The following CMTM8 variants were observed in gnomAD, a reference collection of about 807,000 sequenced individuals.
The protein encoded by CMTM8 is CKLF-like MARVEL transmembrane domain-containing protein 8.
CMTM8 carries 12 observed loss-of-function variants against 18.6 expected under a neutral mutation model. The ratio of observed to expected loss-of-function variants is 0.65; its 90% CI spans 0.41 to 1.05. The LOEUF (loss-of-function observed/expected upper bound fraction) is 1.05. Among genes scored for constraint, CMTM8 ranks in the 50% least tolerant of loss-of-function variants. The pLI is 0.00. For missense variants in CMTM8, 217 were observed against 227.2 expected, an observed-to-expected ratio of 0.95 and a Z score of 0.29; for synonymous variants, 87 against 90.6, an observed-to-expected ratio of 0.96 and a Z score of 0.23.
chr3:32,334,097 G>C (rs1470213836), intron 1 of CMTM8, among the ~76,000 whole-genome samples: 1 of 151,712 alleles, frequency 6.6e-6, no homozygotes, highest in Non-Finnish European at 1.5e-5. Flanking sequence ...TCCTGCCTAA[G>C]CCTCCGGAGT....
At chr3:32,296,887 G>A (rs1273942927) in intron 1 of CMTM8, among the ~76,000 whole-genome samples, 1 of 152,138 alleles carries the variant, frequency 6.6e-6, no homozygotes, top group Admixed American at 6.5e-5. Context: ...GCTTGACATG[G>A]CCAGTAGAGG....
intron 1 of CMTM8, among the ~76,000 whole-genome samples, chr3:32,253,675 G>A (rs369251884): frequency 6.6e-6 from 1 of 151,766 alleles, no homozygotes; most frequent in Non-Finnish European, 1.5e-5. Context: ...TAAACTAATC[G>A]TGGTAATTTA....
At position 32,306,347 on chromosome 3, in the gene CMTM8, A is replaced by G. The variant is rs540629488; in HGVS notation, c.148-51026A>G. Among the ~76,000 whole-genome samples the G allele has an allele frequency of 2.6e-4, 40 of 152,348 alleles. No homozygotes were observed. In the South Asian group the frequency reaches 7.2e-3, roughly 28 times the overall value. On this transcript the variant is annotated intron_variant, in intron 1 of 3. Coordinates refer to ENST00000307526, the MANE Select transcript of CMTM8 (RefSeq NM_178868.5). Reference sequence around the variant, plus strand: ...CATTTCTGCCATATTCTGTTGGCTAAACCAAGGCACGAGTCCAATCCACAA... The same window carrying G: ...CATTTCTGCCATATTCTGTTGGCTAGACCAAGGCACGAGTCCAATCCACAA...
intron 1 of CMTM8, chr3:32,259,235 TG>T: frequency 1.7e-6 from 1 of 577,460 alleles, no homozygotes; most frequent in Non-Finnish European, 3.2e-6. Flanking sequence ...GCCTCCTACC[TG>T]GACAAAGTGA....
chr3:32,248,859 C>T (rs1384096689), intron 1 of CMTM8, among the ~76,000 whole-genome samples: 1 of 151,540 alleles, frequency 6.6e-6, no homozygotes, highest in Non-Finnish European at 1.5e-5. Flanking sequence ...TTTGTAGAGA[C>T]AGGGTCTTGA....
intron 1 of CMTM8, among the ~76,000 whole-genome samples, chr3:32,305,201 T>C (rs907054124): frequency 1.3e-5 from 2 of 150,996 alleles, no homozygotes; most frequent in Non-Finnish European, 1.5e-5. Flanking sequence ...GCAGTTTTTT[T>C]CCCTAGGGAA....
At chr3:32,313,822 C>A (rs1034049291) in intron 1 of CMTM8, among the ~76,000 whole-genome samples, 2 of 152,122 alleles carry the variant, frequency 1.3e-5, no homozygotes, top group Non-Finnish European at 2.9e-5. Context: ...TAGAAAAAAA[C>A]CATGTTCTTG....
intron 1 of CMTM8, among the ~76,000 whole-genome samples, chr3:32,250,684 A>G (rs1371831006): frequency 6.6e-6 from 1 of 151,864 alleles, no homozygotes; most frequent in African/African-American, 2.4e-5. Context: ...TCTTAAATTC[A>G]TGTTTGGATT....
chr3:32,281,645 T>G (rs1702612425), intron 1 of CMTM8, among the ~76,000 whole-genome samples: 1 of 152,074 alleles, frequency 6.6e-6, no homozygotes, highest in African/African-American at 2.4e-5. Context: ...TGTCTTTATT[T>G]CCTAATTCCT....
chr3:32,322,675 T>A (rs1387008367), intron 1 of CMTM8, among the ~76,000 whole-genome samples: 1 of 152,148 alleles, frequency 6.6e-6, no homozygotes, highest in Non-Finnish European at 1.5e-5. Flanking sequence ...ATGGCATAGA[T>A]GGTTGGTCCA....
intron 1 of CMTM8, among the ~76,000 whole-genome samples, chr3:32,241,107 A>T (rs915372007): frequency 1.8e-4 from 28 of 152,194 alleles, no homozygotes; most frequent in African/African-American, 6.5e-4. Flanking sequence ...TATTTTAAAG[A>T]TTCGGTCCTA....
At chr3:32,340,135 A>G (rs143323600) in intron 1 of CMTM8, among the ~76,000 whole-genome samples, 3 of 152,282 alleles carry the variant, frequency 2.0e-5, no homozygotes, top group African/African-American at 7.2e-5. Flanking sequence ...CTAATGGGTG[A>G]GAGTCCAGTT....
intron 1 of CMTM8, among the ~76,000 whole-genome samples, chr3:32,270,085 T>TA (rs200343484): frequency 6.6e-6 from 1 of 151,700 alleles, no homozygotes; most frequent in East Asian, 1.9e-4. Context: ...CCTGGCTAAT[T>TA]AAAAAAAATT....
At chr3:32,367,415 G>A (rs531037263) in intron 2 of CMTM8, among the ~76,000 whole-genome samples, 1 of 152,302 alleles carries the variant, frequency 6.6e-6, no homozygotes, top group Non-Finnish European at 1.5e-5. Flanking sequence ...TGGAATGGGG[G>A]GTTAGGGAAT....
rs1337750757 is a variant in CMTM8 at position 32,358,879 on chromosome 3, T to G, written c.321+1333T>G. Among the ~76,000 whole-genome samples the G allele has an allele frequency of 2.0e-5, 3 of 152,090 alleles. No individual in the cohort carries two copies. In the East Asian group the frequency reaches 5.8e-4, roughly 29 times the overall value. On this transcript the variant is annotated intron_variant, in intron 2 of 3. Transcript: ENST00000307526. This position sits in a 1 kb window ranked among gnomAD's most constrained non-coding sequence, Gnocchi z 4.1. ...GGGAAAGACTCGCTTAGATGCTAGATTCAAAAAAAGTTAGCACCTTGAAGT... is the reference window on the plus strand; with the variant it reads ...GGGAAAGACTCGCTTAGATGCTAGAGTCAAAAAAAGTTAGCACCTTGAAGT...
chr3:32,302,857 A>G (rs6803835), intron 1 of CMTM8, among the ~76,000 whole-genome samples: 151,323 of 152,324 alleles, frequency 0.99, 75,178 homozygotes, highest in Middle Eastern at 1. Flanking sequence ...TTTAAGACCC[A>G]TGGCATGAAG....
chr3:32,296,843 G>T (rs1330555662), intron 1 of CMTM8, among the ~76,000 whole-genome samples: 2 of 152,196 alleles, frequency 1.3e-5, no homozygotes, highest in African/African-American at 4.8e-5. Context: ...GGAAAAACCA[G>T]GGCGGCAGAC....
intron 1 of CMTM8, among the ~76,000 whole-genome samples, chr3:32,266,482 A>T (rs1046438843): frequency 6.6e-6 from 1 of 152,072 alleles, no homozygotes; most frequent in Non-Finnish European, 1.5e-5. Flanking sequence ...TATATGACAA[A>T]CCCCAGCCAA....
At chr3:32,243,524 C>T (rs1401930901) in intron 1 of CMTM8, among the ~76,000 whole-genome samples, 4 of 124,490 alleles carry the variant, frequency 3.2e-5, no homozygotes, top group African/African-American at 1.1e-4. Flanking sequence ...TTGTGAGACC[C>T]TGTCTCAAAA....
Sources: gnomAD v4.1 joint callset for allele counts (sites outside exome capture counted in the v4.1 genomes callset) on GRCh38, gnomAD v4.1.1 for gene constraint, Gnocchi (gnomAD v3.1) non-coding constraint, MANE v1.5 for transcripts, NCBI Gene and HGNC (gene_info 2026-07-23, HGNC 2026-07-21) for gene names.